NPIPA9: variants seen among roughly 807,000 people sequenced by gnomAD.
The protein encoded by NPIPA9 is nuclear pore complex-interacting protein family member A9.
At chr16:18,371,925 A>G in intron 3 of NPIPA9, 3 of 48,986 alleles carry the variant, frequency 6.1e-5, no homozygotes, top group South Asian at 3.1e-4. Flanking sequence ...GCACCCATCT[A>G]CTCACACAGG....
chr16:18,365,075 G>C (rs1485464265), intron 4 of NPIPA9, among the ~76,000 whole-genome samples: 5 of 80,382 alleles, frequency 6.2e-5, no homozygotes, highest in South Asian at 4.2e-4. Flanking sequence ...GGGAGTTTGA[G>C]ACCAGCCTCA....
intron 3 of NPIPA9, among the ~76,000 whole-genome samples, chr16:18,370,372 T>C (rs1900526616): frequency 8.8e-6 from 1 of 113,942 alleles, no homozygotes; most frequent in African/African-American, 3.2e-5. Flanking sequence ...AGATTGTTGA[T>C]ATTAATTCCA....
chr16:18,369,951 A>G (rs1900517768), intron 3 of NPIPA9, among the ~76,000 whole-genome samples: 1 of 147,892 alleles, frequency 6.8e-6, no homozygotes. Context: ...AATACAATGA[A>G]GAGATTACTT....
At chr16:18,375,921 ATTTTTT>A (rs1159220083) in intron 1 of NPIPA9, among the ~76,000 whole-genome samples, 1 of 244 alleles carries the variant, frequency 4.1e-3, no homozygotes, top group African/African-American at 0.017. Flanking sequence ...TCTTTGTGGG[ATTTTTT>A]TTTTTTTTTT....
rs1469697738 is a variant in NPIPA9 at position 18,375,110 on chromosome 16, C to A, written c.-307-41G>T. ...AGTGGTCAGCGGGCGGCAGCTCAGA[C>A]CTGCTCAGGACAGGGATGAGAAGCC... On this transcript the variant is annotated intron_variant, in intron 1 of 9. Coordinates refer to ENST00000427999, the Ensembl canonical transcript of NPIPA9. 8.8e-6 allele frequency: 6 copies of A among 678,956 alleles called. 3 individuals carry two copies. In the Admixed American group the frequency reaches 1.6e-4, roughly 18 times the overall value. The allele number at this position is 678,956 out of a possible 1,614,324, so 42.1% of individuals were successfully genotyped here.
intron 3 of NPIPA9, chr16:18,372,109 G>C: frequency 1.3e-5 from 1 of 75,704 alleles, no homozygotes; most frequent in South Asian, 8.8e-5. Flanking sequence ...ATCTGAGTTG[G>C]GGAGGGGGAG....
intron 3 of NPIPA9, chr16:18,371,374 C>A (rs1462635272): frequency 5.9e-6 from 1 of 168,318 alleles, no homozygotes; most frequent in Non-Finnish European, 1.1e-5. Context: ...ATTGCTTGAA[C>A]CCCGGAAGCG....
At chr16:18,365,274 CAA>C (rs1208437581) in intron 4 of NPIPA9, among the ~76,000 whole-genome samples, 6 of 37,464 alleles carry the variant, frequency 1.6e-4, no homozygotes, top group East Asian at 5.7e-4. Context: ...AACTCTGTCT[CAA>C]AAAAAAAAAA....
chr16:18,370,024 G>A (rs1189363048), intron 3 of NPIPA9, among the ~76,000 whole-genome samples: 1 of 140,700 alleles, frequency 7.1e-6, no homozygotes, highest in African/African-American at 2.7e-5. Context: ...GGGCGTGGTG[G>A]CTCACGCCTG....
At chr16:18,365,100 C>A (rs1203350149) in intron 4 of NPIPA9, among the ~76,000 whole-genome samples, 1 of 77,128 alleles carries the variant, frequency 1.3e-5, no homozygotes, top group Non-Finnish European at 2.3e-5. Flanking sequence ...CATGGAGAAA[C>A]GCTGTCTCTG....
At chr16:18,374,608 C>A in intron 2 of NPIPA9, 2 of 608,290 alleles carry the variant, frequency 3.3e-6, no homozygotes, top group South Asian at 1.9e-5. Flanking sequence ...GCACACCAGA[C>A]TGCAGGTGGC....
chr16:18,375,704 TTC>T (rs1446352014), intron 1 of NPIPA9, among the ~76,000 whole-genome samples: 5 of 112,878 alleles, frequency 4.4e-5, no homozygotes, highest in Non-Finnish European at 9.0e-5. Flanking sequence ...CTTATGCGCC[TTC>T]TCTGTGTGCT....
At chr16:18,371,251 G>A (rs1253383252) in intron 3 of NPIPA9, 2 of 107,506 alleles carry the variant, frequency 1.9e-5, no homozygotes, top group East Asian at 2.5e-4. Context: ...CAGATCACGA[G>A]GTCAAGACAT....
At chr16:18,367,042 GA>G (rs1343933410) in intron 4 of NPIPA9, among the ~76,000 whole-genome samples, 2 of 2,338 alleles carry the variant, frequency 8.6e-4, no homozygotes, top group Non-Finnish European at 8.1e-4. Context: ...GGTGAGAAAA[GA>G]AAAAAAAAAA....
chr16:18,374,398 C>T (rs1187327986), intron 2 of NPIPA9: 2 of 196,600 alleles, frequency 1.0e-5, no homozygotes, highest in Non-Finnish European at 1.9e-5. Context: ...CGTACCATTG[C>T]ACTCCAGCCT....
chr16:18,371,477 A>AAAAAAAAAAAAAAAAG (rs1214808508), intron 3 of NPIPA9, among the ~76,000 whole-genome samples: 4 of 123,734 alleles, frequency 3.2e-5, no homozygotes, highest in African/African-American at 1.2e-4. Flanking sequence ...AAAAAAAAAA[A>AAAAAAAAAAAAAAAAG]GTCATCAAAC....
intron 6 of NPIPA9, among the ~76,000 whole-genome samples, chr16:18,363,546 A>C (rs1281105930): frequency 3.3e-5 from 3 of 89,946 alleles, no homozygotes; most frequent in Non-Finnish European, 6.5e-5. Flanking sequence ...ACACACCTGT[A>C]ATCCAAGCTA....
At chr16:18,365,101 G>A (rs1263883374) in intron 4 of NPIPA9, among the ~76,000 whole-genome samples, 2 of 77,496 alleles carry the variant, frequency 2.6e-5, no homozygotes, top group Non-Finnish European at 4.7e-5. Context: ...ATGGAGAAAC[G>A]CTGTCTCTGC....
intron 3 of NPIPA9, among the ~76,000 whole-genome samples, chr16:18,371,451 T>TAAA (rs778066038): frequency 0.073 from 4,089 of 55,816 alleles, 21 homozygotes; most frequent in Non-Finnish European, 0.1. Flanking sequence ...GACTCTGTCT[T>TAAA]AAAAAAAAAA....
Sources: allele counts gnomAD v4.1 joint callset (sites outside exome capture counted in the v4.1 genomes callset), GRCh38; gene constraint gnomAD v4.1.1; transcripts MANE v1.5; gene names NCBI Gene and HGNC (gene_info 2026-07-23, HGNC 2026-07-21).